The following KRABD5 variants were observed in gnomAD, a reference collection of about 807,000 sequenced individuals.
The protein encoded by KRABD5 is KRAB domain containing 5, also known as KRAB domain-containing protein 5.
the KRABD5 span, among the ~76,000 whole-genome samples, chr16:31,722,281 G>A: frequency 1.3e-5 from 2 of 152,194 alleles, no homozygotes; most frequent in South Asian, 2.1e-4. Context: ...CATCATGTTG[G>A]CCAGGCTAGT....
the KRABD5 span, among the ~76,000 whole-genome samples, chr16:31,726,768 TATAAA>T: frequency 1.3e-5 from 2 of 152,154 alleles, no homozygotes; most frequent in East Asian, 1.9e-4. Flanking sequence ...AAAAAATATA[TATAAA>T]ATAAAATAAA....
the KRABD5 span, among the ~76,000 whole-genome samples, chr16:31,721,189 C>T: frequency 6.6e-6 from 1 of 152,066 alleles, no homozygotes; most frequent in Admixed American, 6.5e-5. Context: ...ACAGAAAAAG[C>T]CATCATCCAT....
the KRABD5 span, chr16:31,713,304 C>A: frequency 1.2e-5 from 16 of 1,328,570 alleles, no homozygotes; most frequent in Non-Finnish European, 1.5e-5. Flanking sequence ...CCAGGGGCTC[C>A]CAGTCCTTCC....
At chr16:31,754,090 T>C in the KRABD5 span, 4 of 733,736 alleles carry the variant, frequency 5.5e-6, no homozygotes, top group Non-Finnish European at 4.8e-6. Flanking sequence ...ACCTTTTCTT[T>C]TAAAGGAAAT....
the KRABD5 span, chr16:31,754,052 T>C: frequency 1.1e-6 from 1 of 945,172 alleles, no homozygotes; most frequent in African/African-American, 1.6e-5. Context: ...TTTCTGTAAG[T>C]AAGTGTCAAC....
At chr16:31,757,120 T>C in the KRABD5 span, 1 of 152,214 alleles carries the variant, frequency 6.6e-6, no homozygotes, top group African/African-American at 2.4e-5. Context: ...ATTTCAAAGC[T>C]TATAAACTAT....
the KRABD5 span, among the ~76,000 whole-genome samples, chr16:31,727,403 G>C: frequency 6.6e-6 from 1 of 152,226 alleles, no homozygotes; most frequent in Non-Finnish European, 1.5e-5. Context: ...GCTTTATTGA[G>C]CTGGCAGTGT....
chr16:31,739,526 G>T, the KRABD5 span, among the ~76,000 whole-genome samples: 3 of 151,542 alleles, frequency 2.0e-5, no homozygotes, highest in Non-Finnish European at 4.4e-5. Context: ...GTGTCTTGTT[G>T]TGGATCTCTT....
At chr16:31,739,727 C>G in the KRABD5 span, among the ~76,000 whole-genome samples, 2 of 152,176 alleles carry the variant, frequency 1.3e-5, no homozygotes, top group Non-Finnish European at 2.9e-5. Context: ...TGGCCATAAA[C>G]TGGTCCCAAA....
the KRABD5 span, among the ~76,000 whole-genome samples, chr16:31,753,068 A>G: frequency 6.6e-6 from 1 of 152,150 alleles, no homozygotes; most frequent in Non-Finnish European, 1.5e-5. Flanking sequence ...ACAGCTACCT[A>G]TTCCATCTAT....
chr16:31,755,151 A>G, the KRABD5 span: 1 of 487,928 alleles, frequency 2.0e-6, no homozygotes, highest in Non-Finnish European at 4.2e-6. Flanking sequence ...GAATGCAGCA[A>G]AGCCTTTAAC....
At chr16:31,755,387 T>G in the KRABD5 span, 1 of 501,650 alleles carries the variant, frequency 2.0e-6, no homozygotes, top group African/African-American at 2.0e-5. Context: ...ACCCTACATA[T>G]GTAAAGAATG....
the KRABD5 span, chr16:31,755,250 C>T: frequency 2.1e-6 from 1 of 486,114 alleles, no homozygotes; most frequent in Non-Finnish European, 4.2e-6. Flanking sequence ...TTTTCTCGTT[C>T]CTCAAGTCTT....
At chr16:31,747,967 TCTG>T in the KRABD5 span, among the ~76,000 whole-genome samples, 2 of 152,252 alleles carry the variant, frequency 1.3e-5, no homozygotes, top group African/African-American at 4.8e-5. Flanking sequence ...GGTAGTTTCT[TCTG>T]CTGTGCAGAA....
the KRABD5 span, among the ~76,000 whole-genome samples, chr16:31,739,342 G>A: frequency 6.6e-6 from 1 of 152,068 alleles, no homozygotes; most frequent in African/African-American, 2.4e-5. Context: ...ATTGGTAGTT[G>A]TCATTATTCA....
the KRABD5 span, chr16:31,755,361 T>G: frequency 9.9e-6 from 5 of 505,306 alleles, no homozygotes; most frequent in Non-Finnish European, 1.6e-5. Context: ...CATCAAAGAA[T>G]TCATACCGGA....
At chr16:31,715,323 A>C in the KRABD5 span, among the ~76,000 whole-genome samples, 1 of 152,232 alleles carries the variant, frequency 6.6e-6, no homozygotes, top group Admixed American at 6.5e-5. Flanking sequence ...TACCTAAAAC[A>C]GGGAGCATCA....
the KRABD5 span, chr16:31,759,095 T>C: frequency 2.9e-6 from 1 of 339,896 alleles, no homozygotes; most frequent in South Asian, 3.7e-5. Flanking sequence ...AGAAGTGTAA[T>C]GTAAATGCTA....
the KRABD5 span, chr16:31,759,621 T>C: frequency 2.2e-6 from 1 of 459,340 alleles, no homozygotes; most frequent in East Asian, 3.5e-5. Context: ...AAGTGGTACA[T>C]GATTAGTAGT....
Sources: gnomAD v4.1 joint callset for allele counts (sites outside exome capture counted in the v4.1 genomes callset) on GRCh38, gnomAD v4.1.1 for gene constraint, MANE v1.5 for transcripts, NCBI Gene and HGNC (gene_info 2026-07-23, HGNC 2026-07-21) for gene names.